The following FAM118A variants were observed in gnomAD, a reference collection of about 807,000 sequenced individuals.
The protein encoded by FAM118A is SIR2 antiphage like 2.
Under a neutral mutation model 38.2 loss-of-function variants are expected in FAM118A, and 25 were observed. That is an observed-to-expected ratio of 0.65 (90% CI 0.48 to 0.91). The LOEUF is 0.91. Ranked by LOEUF, FAM118A falls within the 40% of genes least tolerant of loss-of-function variation. The probability of loss-of-function intolerance (pLI) is 0.00; values close to 1 mark genes in which losing one functional copy is unlikely to be tolerated. For synonymous variants in FAM118A, 178 were observed against 184.1 expected (o/e 0.97, Z 0.27); for missense variants, 425 against 463.3 (o/e 0.92, Z 0.76).
At chr22:45,337,533 A>G (rs1452950780) in intron 8 of FAM118A, among the ~76,000 whole-genome samples, 1 of 152,046 alleles carries the variant, frequency 6.6e-6, no homozygotes, top group Non-Finnish European at 1.5e-5. Context: ...TTGTGTTCCA[A>G]AAACTAACGT....
chr22:45,336,115 C>G (rs368075952), intron 7 of FAM118A, among the ~76,000 whole-genome samples: 10 of 152,144 alleles, frequency 6.6e-5, no homozygotes, highest in African/African-American at 1.7e-4. Context: ...TATTCCCATG[C>G]GAAAGGACAT....
At chr22:45,309,670 T>G (rs559006934), upstream of FAM118A, 1 of 152,180 alleles carries the variant, frequency 6.6e-6, no homozygotes, top group Non-Finnish European at 1.5e-5. Context: ...GGACGCGGAC[T>G]CTAGGCCCAA....
intron 4 of FAM118A, chr22:45,329,715 A>G (rs1456382457): frequency 6.6e-6 from 1 of 152,366 alleles, no homozygotes; most frequent in Non-Finnish European, 1.5e-5. Flanking sequence ...CGGTAGTGCC[A>G]TGGAGTAGAC....
intron 1 of FAM118A, chr22:45,318,891 G>C (rs966848393): frequency 2.0e-5 from 3 of 152,196 alleles, no homozygotes; most frequent in African/African-American, 7.2e-5. Context: ...TGCAGTTCAG[G>C]CTGAGAAAGA....
intron 8 of FAM118A, among the ~76,000 whole-genome samples, 163 bp from the exon 9 acceptor site, chr22:45,340,221 AGG>A (rs1382661478): frequency 2.0e-5 from 3 of 152,228 alleles, no homozygotes; most frequent in Non-Finnish European, 2.9e-5. Context: ...TAATTACACA[AGG>A]TCATTTCCAG....
At chr22:45,323,045 G>GTT in intron 2 of FAM118A, 130 bp from the exon 3 acceptor site, 1 of 723,620 alleles carries the variant, frequency 1.4e-6, no homozygotes, top group Non-Finnish European at 2.1e-6. Context: ...AGGGGACTGT[G>GTT]TGTGTGTGTG....
intron 2 of FAM118A, 145 bp from the exon 3 acceptor site, chr22:45,323,030 G>A (rs2146630925): frequency 1.1e-5 from 10 of 883,254 alleles, no homozygotes; most frequent in East Asian, 5.3e-5. Flanking sequence ...TCCCCACAGC[G>A]TCAGAGGGGA....
chr22:45,327,281 T>C (rs1457558954), intron 3 of FAM118A, among the ~76,000 whole-genome samples: 3 of 151,570 alleles, frequency 2.0e-5, no homozygotes, highest in African/African-American at 4.8e-5. Context: ...TCCCGCCTCA[T>C]TGAAGGTGCC....
intron 7 of FAM118A, among the ~76,000 whole-genome samples, chr22:45,335,871 T>G (rs545799149): frequency 6.6e-6 from 1 of 152,206 alleles, no homozygotes; most frequent in South Asian, 2.1e-4. Flanking sequence ...GCCATGAGCG[T>G]CCTCCTGTGT....
chr22:45,324,934 C>G (rs976927953), intron 3 of FAM118A, among the ~76,000 whole-genome samples: 4 of 152,190 alleles, frequency 2.6e-5, no homozygotes, highest in African/African-American at 9.6e-5. Flanking sequence ...GTAATCCCAG[C>G]TACTCAGGAG....
rs1053652780 is a variant in FAM118A at position 45,310,051 on chromosome 22, C to T, written c.-142C>T. On this transcript the variant is annotated 5_prime_UTR_variant, in exon 1 of 9. Transcript: ENST00000441876. ...AGCCCGCGTGCCTGCGCAGTCCCCTCCCCGAGAACCATCCCCTTGCCCCGC... is the reference window on the plus strand; with the variant it reads ...AGCCCGCGTGCCTGCGCAGTCCCCTTCCCGAGAACCATCCCCTTGCCCCGC... The T allele has an allele frequency of 6.6e-6, 1 of 152,208 alleles. No homozygotes were observed. Among genetic ancestry groups the T allele is most frequent in the Non-Finnish European group, 1.5e-5 (1 of 68,038 alleles). The allele number at this position is 152,208 out of a possible 1,614,324, so 9.4% of individuals were successfully genotyped here.
chr22:45,325,350 G>T (rs2085187452), intron 3 of FAM118A, among the ~76,000 whole-genome samples: 1 of 152,242 alleles, frequency 6.6e-6, no homozygotes, highest in Non-Finnish European at 1.5e-5. Context: ...GAACAGGCAT[G>T]GGGGAAGCTG....
At chr22:45,332,962 C>T (rs188385978) in intron 6 of FAM118A, among the ~76,000 whole-genome samples, 9 of 152,008 alleles carry the variant, frequency 5.9e-5, no homozygotes, top group African/African-American at 2.2e-4. Context: ...AGGCTGGTCT[C>T]GAACTCCTGA....
At chr22:45,330,908 G>A (rs935579172) in intron 5 of FAM118A, among the ~76,000 whole-genome samples, 177 bp downstream of exon 5, 1 of 152,184 alleles carries the variant, frequency 6.6e-6, no homozygotes, top group East Asian at 1.9e-4. Flanking sequence ...TGTCTCTGGG[G>A]TCCCGCATGG....
intron 4 of FAM118A, among the ~76,000 whole-genome samples, chr22:45,330,302 G>A (rs940081168): frequency 6.6e-6 from 1 of 152,194 alleles, no homozygotes. Flanking sequence ...TGAGTAGCTG[G>A]GATTATAGGT....
intron 5 of FAM118A, 114 bp from the exon 6 acceptor site, chr22:45,332,311 T>C: frequency 8.8e-7 from 1 of 1,141,126 alleles, no homozygotes; most frequent in Non-Finnish European, 1.3e-6. Context: ...AGCGTGGCCC[T>C]GGGAACGCCT....
chr22:45,328,578 G>T lies in FAM118A; in HGVS notation c.522+515G>T, dbSNP rs181893009. On this transcript the variant is annotated intron_variant, in intron 4 of 8. Transcript: ENST00000441876. ...GCCCAGGAGTTCCAGACTGAAATGA[G>T]CTATGATCATGCCACTTATTCCAGC... The T allele has an allele frequency of 6.1e-4, 405 of 668,342 alleles. 2 individuals are homozygous for T. Among genetic ancestry groups the T allele is most frequent in the Non-Finnish European group, 3.3e-5 (12 of 365,836 alleles). 41.4% of individuals were successfully genotyped at this position (668,342 alleles called of 1,614,324 possible). A position where few individuals can be genotyped will look rare whatever the true frequency, so the allele number is the denominator to read the frequency against.
At chr22:45,326,173 G>A (rs1036456162) in intron 3 of FAM118A, among the ~76,000 whole-genome samples, 38 of 131,712 alleles carry the variant, frequency 2.9e-4, no homozygotes, top group African/African-American at 9.0e-4. Flanking sequence ...TCCTGAACCC[G>A]CCCCCACCCC....
chr22:45,340,163 C>G (rs777152582), intron 8 of FAM118A, among the ~76,000 whole-genome samples: 4 of 152,210 alleles, frequency 2.6e-5, no homozygotes, highest in African/African-American at 7.2e-5. Flanking sequence ...TCCCACAGAT[C>G]GTTGCAAATG....
Sources: allele counts gnomAD v4.1 joint callset (sites outside exome capture counted in the v4.1 genomes callset), GRCh38; gene constraint gnomAD v4.1.1; transcripts MANE v1.5; gene names NCBI Gene and HGNC (gene_info 2026-07-23, HGNC 2026-07-21).